The following RSF1 variants were observed in gnomAD, a reference collection of about 807,000 sequenced individuals.
The protein encoded by RSF1 is HBV pX-associated protein 8.
A neutral mutation model predicts 145.2 loss-of-function variants in RSF1; 13 were observed. That is an observed-to-expected ratio of 0.09 (90% CI 0.06 to 0.14). RSF1 has a LOEUF of 0.14. Ranked by LOEUF, RSF1 falls within the 10% of genes least tolerant of loss-of-function variation. The pLI is 1.00. For synonymous variants in RSF1, 577 were observed against 592.6 expected (o/e 0.97, Z 0.38); for missense variants, 1,517 against 1,718.2 (o/e 0.88, Z 2.07).
chr11:77,830,452 C>T, the RSF1 span, among the ~76,000 whole-genome samples: 131 of 151,988 alleles, frequency 8.6e-4, 2 homozygotes, highest in South Asian at 0.026. Flanking sequence ...ACAAACCTGC[C>T]GTGAATCAAA....
At chr11:77,731,094 T>G (rs999875349) in intron 4 of RSF1, among the ~76,000 whole-genome samples, 1 of 152,204 alleles carries the variant, frequency 6.6e-6, no homozygotes, top group East Asian at 1.9e-4. Flanking sequence ...TGGAACTTCC[T>G]AGAGACTTGT....
intron 1 of RSF1, among the ~76,000 whole-genome samples, chr11:77,773,643 G>C (rs973313171): frequency 1.3e-5 from 2 of 151,898 alleles, no homozygotes; most frequent in African/African-American, 2.4e-5. Flanking sequence ...AAATTCAAAA[G>C]CAAGTGTTGT....
upstream of RSF1, chr11:77,820,993 C>G (rs1948871888): frequency 4.7e-6 from 2 of 428,940 alleles, no homozygotes; most frequent in Non-Finnish European, 8.3e-6. Flanking sequence ...GCCACTGCCT[C>G]GTGTGACAGG....
At chr11:77,687,575 C>A (rs559390722) in intron 9 of RSF1, among the ~76,000 whole-genome samples, 3 of 152,160 alleles carry the variant, frequency 2.0e-5, no homozygotes, top group Admixed American at 6.5e-5. Context: ...GGTGTGGTGG[C>A]GTGTGCCTGT....
chr11:77,747,020 A>C lies in RSF1; in HGVS notation c.372+16T>G. ...TTTTAAATTAAAATAACTGTAACAA[A>C]TAATAGATTTATTACCTTTAAGAGT... On this transcript the variant is annotated intron_variant, in intron 3 of 15. Coordinates refer to ENST00000308488, the MANE Select transcript of RSF1 (RefSeq NM_016578.4). The C allele has an allele frequency of 6.7e-7, 1 of 1,483,612 alleles. No individual in the cohort carries two copies. The highest frequency in any genetic ancestry group is 9.3e-7 in the Non-Finnish European group (1 of 1,075,200). The allele number at this position is 1,483,612 out of a possible 1,614,324, so 91.9% of individuals were successfully genotyped here.
At chr11:77,716,215 G>A (rs1204440391) in intron 5 of RSF1, among the ~76,000 whole-genome samples, 6 of 152,014 alleles carry the variant, frequency 3.9e-5, no homozygotes, top group Admixed American at 6.6e-5. Context: ...CAGTATGGAC[G>A]TTCCTCAAAA....
At chr11:77,870,737 C>CA in the RSF1 span, among the ~76,000 whole-genome samples, 1 of 152,096 alleles carries the variant, frequency 6.6e-6, no homozygotes, top group African/African-American at 2.4e-5. Context: ...ATTCCCTTCC[C>CA]AATCTTCACA....
At chr11:77,855,089 G>T in the RSF1 span, among the ~76,000 whole-genome samples, 50 of 152,190 alleles carry the variant, frequency 3.3e-4, no homozygotes, top group Non-Finnish European at 5.9e-4. Flanking sequence ...TGGCCGTGAT[G>T]CAGGGTGCTA....
At chr11:77,670,288 T>C (rs1026523807) in intron 15 of RSF1, among the ~76,000 whole-genome samples, 1 of 152,162 alleles carries the variant, frequency 6.6e-6, no homozygotes, top group Non-Finnish European at 1.5e-5. Context: ...AGCACAAACA[T>C]ACCTCAAGGC....
intron 5 of RSF1, among the ~76,000 whole-genome samples, chr11:77,704,857 A>G (rs1960508079): frequency 6.6e-6 from 1 of 150,854 alleles, no homozygotes; most frequent in African/African-American, 2.4e-5. Context: ...GGTTCAAGCG[A>G]TTCTCTTGCC....
chr11:77,767,350 T>G (rs182112785), intron 1 of RSF1, among the ~76,000 whole-genome samples: 10 of 152,286 alleles, frequency 6.6e-5, no homozygotes, highest in Admixed American at 5.9e-4. Flanking sequence ...CAGCTATGGA[T>G]AGTCTCCTGC....
At chr11:77,678,763 G>A (rs1385111726) in intron 11 of RSF1, among the ~76,000 whole-genome samples, 1 of 152,078 alleles carries the variant, frequency 6.6e-6, no homozygotes. Context: ...GCCTTCACTA[G>A]GCATCGGGTC....
intron 2 of RSF1, among the ~76,000 whole-genome samples, chr11:77,752,710 C>T (rs1948076237): frequency 6.6e-6 from 1 of 152,138 alleles, no homozygotes; most frequent in African/African-American, 2.4e-5. Context: ...GTCAGAGGTA[C>T]TGAACCAGGG....
chr11:77,868,695 G>C, the RSF1 span: 2,792 of 192,728 alleles, frequency 0.014, 87 homozygotes, highest in African/African-American at 0.064. Context: ...TGTTGTTGTT[G>C]TTGTTTTTTA....
chr11:77,857,999 C>A, the RSF1 span, among the ~76,000 whole-genome samples: 1 of 152,026 alleles, frequency 6.6e-6, no homozygotes, highest in East Asian at 1.9e-4. Flanking sequence ...CGGCCATCAT[C>A]TAGGTTTTAA....
the RSF1 span, among the ~76,000 whole-genome samples, chr11:77,854,955 G>A: frequency 6.6e-6 from 1 of 152,192 alleles, no homozygotes; most frequent in Admixed American, 6.5e-5. Flanking sequence ...AGCCTCAATT[G>A]TCACACTCTG....
chr11:77,743,412 G>C (rs1256676615), intron 3 of RSF1, among the ~76,000 whole-genome samples: 1 of 152,080 alleles, frequency 6.6e-6, no homozygotes, highest in Admixed American at 6.6e-5. Flanking sequence ...ATGTTTTGTA[G>C]TTTTCAGTAT....
chr11:77,740,315 C>T (rs1159960747), intron 4 of RSF1, among the ~76,000 whole-genome samples: 1 of 152,188 alleles, frequency 6.6e-6, no homozygotes, highest in Non-Finnish European at 1.5e-5. Context: ...ATGGAGGTTA[C>T]AGTGAGCCGA....
At chr11:77,718,780 A>G (rs988333464) in intron 5 of RSF1, among the ~76,000 whole-genome samples, 4 of 152,222 alleles carry the variant, frequency 2.6e-5, no homozygotes, top group Non-Finnish European at 4.4e-5. Context: ...AACTGAGAAA[A>G]TAAGTTTCTG....
Sources: gnomAD v4.1 joint callset for allele counts (sites outside exome capture counted in the v4.1 genomes callset) on GRCh38, gnomAD v4.1.1 for gene constraint, MANE v1.5 for transcripts, NCBI Gene and HGNC (gene_info 2026-07-23, HGNC 2026-07-21) for gene names.